The following RNFT2 variants were observed in gnomAD, a reference collection of about 807,000 sequenced individuals.
RNFT2 encodes ring finger protein, transmembrane 2.
A neutral mutation model predicts 53.0 loss-of-function variants in RNFT2; 36 were observed. The observed-to-expected ratio is 0.68, with a 90% CI of 0.52 to 0.90. RNFT2 has a LOEUF of 0.90. Ranked by LOEUF, RNFT2 falls within the 40% of genes least tolerant of loss-of-function variation. The pLI is 0.00. For missense variants in RNFT2, 514 were observed against 585.6 expected (o/e 0.88, Z 1.26); for synonymous variants, 260 against 253.2 (o/e 1.03, Z -0.26).
chr12:116,793,362 A>T (rs1874344553), intron 7 of RNFT2, among the ~76,000 whole-genome samples: 1 of 151,716 alleles, frequency 6.6e-6, no homozygotes, highest in Admixed American at 6.6e-5. Flanking sequence ...AATTTTTAAA[A>T]TTTTTGTAGA....
At chr12:116,828,531 TC>T (rs1303915541) in intron 7 of RNFT2, among the ~76,000 whole-genome samples, 3 of 152,194 alleles carry the variant, frequency 2.0e-5, no homozygotes, top group Non-Finnish European at 4.4e-5. Flanking sequence ...GTGATGGTCT[TC>T]CTCATTGGGT....
At chr12:116,837,642 C>T (rs1276765862) in intron 10 of RNFT2, among the ~76,000 whole-genome samples, 1 of 152,040 alleles carries the variant, frequency 6.6e-6, no homozygotes, top group Non-Finnish European at 1.5e-5. Context: ...AAAAAGAAGA[C>T]TAAAGAGACA....
rs373885060 is a variant in RNFT2, at chr12:116,851,743, TAAAA to T, written c.*2303_*2306del. 1.2e-5 allele frequency: 7 copies of T among 572,682 alleles called. No homozygotes were observed. The highest frequency in any genetic ancestry group is 1.9e-5 in the Non-Finnish European group (6 of 324,010). The allele number at this position is 572,682 out of a possible 1,614,324, so 35.5% of individuals were successfully genotyped here. A position where few individuals can be genotyped will look rare whatever the true frequency, so the allele number is the denominator to read the frequency against. On this transcript the variant is annotated 3_prime_UTR_variant, in exon 11 of 11. Coordinates refer to ENST00000257575, the MANE Select transcript of RNFT2 (RefSeq NM_001382266.1). Reference sequence around the variant, plus strand: ...GTGACAGAGTGAGTGAGACTCTGTCTAAAAAAAAAAAGAAAGAAAGAAGGGAGGG... The same window carrying T: ...GTGACAGAGTGAGTGAGACTCTGTCTAAAAAAAGAAAGAAAGAAGGGAGGG...
At chr12:116,841,965 AGAGAGAGAG>A (rs1877361330) in intron 10 of RNFT2, among the ~76,000 whole-genome samples, 3 of 117,476 alleles carry the variant, frequency 2.6e-5, no homozygotes, top group Admixed American at 2.0e-4. Context: ...ATATAGAGAG[AGAGAGAGAG>A]AGAGAGAGAG....
Position 116,818,363 on chromosome 12 carries a change from C to T in RNFT2, c.883-15429C>T, listed in dbSNP as rs147046728. Among the ~76,000 whole-genome samples the T allele has an allele frequency of 1.4e-3, 212 of 151,518 alleles. 1 individual carries two copies. The highest frequency in any genetic ancestry group is 5.0e-3 in the African/African-American group (206 of 41,266). ...CCGCTTTTTCGTCTGCAAACCTGGG[C>T]TGGTAATATCCCTCCCAGCTTTGCC... On this transcript the variant is annotated intron_variant, in intron 7 of 10. Coordinates refer to ENST00000257575, the MANE Select transcript of RNFT2 (RefSeq NM_001382266.1).
intron 7 of RNFT2, among the ~76,000 whole-genome samples, chr12:116,812,150 T>C (rs1261572258): frequency 6.6e-6 from 1 of 152,046 alleles, no homozygotes; most frequent in Non-Finnish European, 1.5e-5. Flanking sequence ...TTCAAGGGGC[T>C]GATGGAGAGG....
chr12:116,804,260 A>G (rs74559863), intron 7 of RNFT2, among the ~76,000 whole-genome samples: 5,903 of 152,262 alleles, frequency 0.039, 183 homozygotes, highest in African/African-American at 0.076. Flanking sequence ...CAGTCCCTGG[A>G]CCAGTAGCAT....
At chr12:116,812,298 C>T (rs891584326) in intron 7 of RNFT2, among the ~76,000 whole-genome samples, 3 of 152,068 alleles carry the variant, frequency 2.0e-5, no homozygotes, top group Non-Finnish European at 4.4e-5. Context: ...GAGTGATGAC[C>T]ATAGCAGCCC....
In RNFT2 at chr12:116,851,589, A is replaced by T. The variant is rs1023367746; in HGVS notation, c.*2141A>T. The T allele has an allele frequency of 3.4e-6, 2 of 596,218 alleles. No homozygotes were observed. Among genetic ancestry groups the T allele is most frequent in the African/African-American group, 3.7e-5 (2 of 53,714 alleles). The allele number at this position is 596,218 out of a possible 1,614,324, so 36.9% of individuals were successfully genotyped here. On this transcript the variant is annotated 3_prime_UTR_variant, in exon 11 of 11. Transcript: ENST00000257575. ...CCCCCTCTTTACTAAAAAATACAAA[A>T]ATTAGCCGGGCGCGGTGGCGGGTGC... is the stretch of plus-strand genomic sequence containing the variant.
At chr12:116,834,000 C>T in intron 8 of RNFT2, 59 bp downstream of exon 8, 1 of 1,462,536 alleles carries the variant, frequency 6.8e-7, no homozygotes, top group Non-Finnish European at 9.0e-7. Flanking sequence ...ACTAGTCAGG[C>T]CTCAGGGGGC....
chr12:116,785,301 T>C (rs1184835660), intron 7 of RNFT2, among the ~76,000 whole-genome samples: 1 of 132,152 alleles, frequency 7.6e-6, no homozygotes, highest in Non-Finnish European at 1.6e-5. Flanking sequence ...TTGTTTGTTT[T>C]GTTTTGTTTG....
chr12:116,779,666 C>T (rs551011316), intron 7 of RNFT2, among the ~76,000 whole-genome samples: 14 of 152,264 alleles, frequency 9.2e-5, no homozygotes, highest in Admixed American at 2.0e-4. Flanking sequence ...TAGCATGCCC[C>T]GGGACCTGCT....
intron 4 of RNFT2, among the ~76,000 whole-genome samples, chr12:116,750,824 TATATA>T (rs1449615804): frequency 0.48 from 11,987 of 25,058 alleles, 1,127 homozygotes; most frequent in Non-Finnish European, 0.53. Context: ...ATATATTATA[TATATA>T]ATATATATAT....
intron 7 of RNFT2, among the ~76,000 whole-genome samples, chr12:116,822,512 G>A (rs991706601): frequency 6.6e-6 from 1 of 152,296 alleles, no homozygotes; most frequent in East Asian, 1.9e-4. Context: ...TGTAAAGTGA[G>A]AGTATTAATA....
At chr12:116,774,464 C>T (rs1198546254) in intron 6 of RNFT2, among the ~76,000 whole-genome samples, 1 of 152,198 alleles carries the variant, frequency 6.6e-6, no homozygotes, top group Non-Finnish European at 1.5e-5. Flanking sequence ...TTAGAGATCA[C>T]TGCATAAGCG....
intron 7 of RNFT2, among the ~76,000 whole-genome samples, chr12:116,790,160 A>G (rs953195334): frequency 1.3e-5 from 2 of 152,246 alleles, no homozygotes; most frequent in African/African-American, 4.8e-5. Flanking sequence ...TCTCTGTGCT[A>G]GAAAAGACCA....
chr12:116,764,494 T>C (rs1488866303), intron 5 of RNFT2, among the ~76,000 whole-genome samples: 3 of 152,116 alleles, frequency 2.0e-5, no homozygotes, highest in African/African-American at 7.2e-5. Context: ...CAGTCTCCAT[T>C]TGCACATGAG....
At chr12:116,776,556 T>C (rs2137113407) in intron 6 of RNFT2, among the ~76,000 whole-genome samples, 1 of 152,276 alleles carries the variant, frequency 6.6e-6, no homozygotes, top group South Asian at 2.1e-4. Flanking sequence ...GGAGGGTCAC[T>C]GAAGGTGTTG....
At chr12:116,840,680 T>C (rs1353859433) in intron 10 of RNFT2, among the ~76,000 whole-genome samples, 7 of 152,196 alleles carry the variant, frequency 4.6e-5, no homozygotes, top group Admixed American at 3.3e-4. Flanking sequence ...TCTGTAACCC[T>C]GAGCAATGCA....
Sources: gnomAD v4.1 joint callset for allele counts (sites outside exome capture counted in the v4.1 genomes callset) on GRCh38, gnomAD v4.1.1 for gene constraint, MANE v1.5 for transcripts, NCBI Gene and HGNC (gene_info 2026-07-23, HGNC 2026-07-21) for gene names.